MAN1A1: variants seen among roughly 807,000 people sequenced by gnomAD.
MAN1A1 encodes the protein mannosidase alpha class 1A member 1.
In MAN1A1, 29 loss-of-function variants were observed where a neutral mutation model predicts 70.8. The observed-to-expected ratio is 0.41, with a 90% CI of 0.31 to 0.56. The LOEUF is 0.56. MAN1A1 is among the 20% of genes least tolerant of loss of function. The pLI is 0.29. For missense variants in MAN1A1, 747 were observed against 841.3 expected (o/e 0.89, Z 1.39); for synonymous variants, 349 against 330.1 (o/e 1.06, Z -0.62).
chr6:119,211,697 T>C (rs1774055230), intron 6 of MAN1A1, among the ~76,000 whole-genome samples: 1 of 152,142 alleles, frequency 6.6e-6, no homozygotes, highest in Non-Finnish European at 1.5e-5. Context: ...AAAGGTGAAA[T>C]GAGGAAAATA....
intron 5 of MAN1A1, among the ~76,000 whole-genome samples, chr6:119,262,771 A>C (rs1202549309): frequency 6.6e-6 from 1 of 152,194 alleles, no homozygotes; most frequent in Non-Finnish European, 1.5e-5. Flanking sequence ...GTGGTACATA[A>C]ACCATGGAAT....
intron 5 of MAN1A1, among the ~76,000 whole-genome samples, chr6:119,277,724 C>T (rs1376365147): frequency 6.6e-6 from 1 of 151,678 alleles, no homozygotes; most frequent in African/African-American, 2.4e-5. Context: ...ATCACGAGGT[C>T]AGGAGATGGA....
At chr6:119,275,229 G>GCCTC (rs1332922642) in intron 5 of MAN1A1, among the ~76,000 whole-genome samples, 1 of 133,474 alleles carries the variant, frequency 7.5e-6, no homozygotes, top group Non-Finnish European at 1.6e-5. Context: ...TCCTGCCTCA[G>GCCTC]CCTCCTGAGT....
intron 6 of MAN1A1, among the ~76,000 whole-genome samples, chr6:119,223,191 TAA>T (rs1188664239): frequency 1.3e-5 from 2 of 152,164 alleles, no homozygotes; most frequent in Non-Finnish European, 2.9e-5. Flanking sequence ...TTTACTGAAA[TAA>T]GTCTAATAAT....
Position 119,322,812 on chromosome 6 carries a change from C to G in MAN1A1, c.604-15820G>C, listed in dbSNP as rs17081026. The stretch of plus-strand genomic sequence containing the variant: ...CTGAATTAGGAAGTAGCAAACCAAG[C>G]TGTGGGTAACAATCATTTCAAAGTA... On this transcript the variant is annotated intron_variant, in intron 2 of 12. Transcript: ENST00000368468. Among the ~76,000 whole-genome samples, 894 of 152,308 alleles carry G rather than the reference C, an allele frequency of 5.9e-3. 29 individuals are homozygous for G. In the East Asian group the frequency reaches 0.09, roughly 15 times the overall value.
intron 6 of MAN1A1, among the ~76,000 whole-genome samples, chr6:119,225,052 G>A (rs189469016): frequency 2.6e-5 from 4 of 152,046 alleles, no homozygotes; most frequent in South Asian, 4.2e-4. Context: ...GCTTGAACCC[G>A]GGAGGCAGAG....
intron 2 of MAN1A1, among the ~76,000 whole-genome samples, chr6:119,347,493 T>G (rs1237061005): frequency 6.6e-6 from 1 of 152,220 alleles, no homozygotes; most frequent in African/African-American, 2.4e-5. Context: ...CTTTTCTATG[T>G]AAAACGCAGG....
Position 119,284,560 on chromosome 6 carries a change from G to GT in MAN1A1, c.897+6122dup, listed in dbSNP as rs539422084. Among the ~76,000 whole-genome samples, 64 of 151,586 alleles carry GT rather than the reference G, an allele frequency of 4.2e-4. 1 individual carries two copies. The South Asian group carries it at 0.012, about 28-fold the overall frequency. On this transcript the variant is annotated intron_variant, in intron 5 of 12. Coordinates refer to ENST00000368468, the MANE Select transcript of MAN1A1 (RefSeq NM_005907.4). ...ATTCTTATTTTTGTTACGTCTTTTTGTTTTTTTTCCCCTAAATTACTGAAA... is the reference window on the plus strand; with the variant it reads ...ATTCTTATTTTTGTTACGTCTTTTTGTTTTTTTTTCCCCTAAATTACTGAAA...
At chr6:119,243,886 A>G (rs781446819) in intron 6 of MAN1A1, among the ~76,000 whole-genome samples, 2 of 152,068 alleles carry the variant, frequency 1.3e-5, no homozygotes, top group Non-Finnish European at 1.5e-5. Context: ...ACACACCTTC[A>G]TGGTGTGCAA....
At chr6:119,232,679 A>ATGTGTG (rs78960133) in intron 6 of MAN1A1, among the ~76,000 whole-genome samples, 582 of 143,502 alleles carry the variant, frequency 4.1e-3, no homozygotes, top group African/African-American at 5.6e-3. Context: ...ACACATATAT[A>ATGTGTG]TGTGTGTGTG....
In MAN1A1 at chr6:119,188,498, G is replaced by A. The variant is rs1340293024; in HGVS notation, c.1626C>T (p.Tyr542=). The A allele has an allele frequency of 6.2e-7, 1 of 1,613,924 alleles. No individual in the cohort carries two copies. Among genetic ancestry groups the A allele is most frequent in the East Asian group, 2.2e-5 (1 of 44,866 alleles). ...AIATRQNEKY[Y]ILRPEVMETY... ...TCTCCATAACTTCTGGCCGTAAGATGTAGTATTTTTCATTTTGTCTTGTAG... is the reference window on the plus strand; with the variant it reads ...TCTCCATAACTTCTGGCCGTAAGATATAGTATTTTTCATTTTGTCTTGTAG... The change falls in exon 11 of 13, where the codon TAC becomes TAT. Residue 542 remains tyrosine (Y), a synonymous_variant. Transcript: ENST00000368468.
chr6:119,278,107 C>T (rs998657856), intron 5 of MAN1A1, among the ~76,000 whole-genome samples: 1 of 150,952 alleles, frequency 6.6e-6, no homozygotes, highest in Non-Finnish European at 1.5e-5. Context: ...GATCGTGCCA[C>T]TGTGCTCCAG....
At chr6:119,324,745 C>T (rs2114481943) in intron 2 of MAN1A1, among the ~76,000 whole-genome samples, 1 of 152,270 alleles carries the variant, frequency 6.6e-6, no homozygotes, top group Non-Finnish European at 1.5e-5. Flanking sequence ...AAAAGTCACT[C>T]ATGATACATG....
intron 5 of MAN1A1, among the ~76,000 whole-genome samples, chr6:119,281,268 T>C (rs1211736576): frequency 1.3e-5 from 2 of 152,306 alleles, no homozygotes; most frequent in South Asian, 4.1e-4. Context: ...TGGGGACTCT[T>C]GACAAAGTTA....
intron 2 of MAN1A1, among the ~76,000 whole-genome samples, chr6:119,329,800 T>C (rs11755967): frequency 0.32 from 49,165 of 151,998 alleles, 8,462 homozygotes; most frequent in Non-Finnish European, 0.37. Context: ...GAATAGTCTG[T>C]GCCCTTCCTT....
chr6:119,205,595 A>C lies in MAN1A1; in HGVS notation c.993-713T>G, dbSNP rs745910481. Among the ~76,000 whole-genome samples the C allele has an allele frequency of 1.1e-4, 17 of 152,228 alleles. 1 individual carries two copies. Among genetic ancestry groups the C allele is most frequent in the Admixed American group, 5.2e-4 (8 of 15,282 alleles). The stretch of plus-strand genomic sequence containing the variant: ...TCTTGGAGAAATGCTTTTTTAAAAA[A>C]CTAGGCCTTTTAAAAAAGTTATAAA... On this transcript the variant is annotated intron_variant, in intron 6 of 12. Coordinates refer to ENST00000368468, the MANE Select transcript of MAN1A1 (RefSeq NM_005907.4).
chr6:119,239,485 G>A (rs1199110174), intron 6 of MAN1A1, among the ~76,000 whole-genome samples: 1 of 152,168 alleles, frequency 6.6e-6, no homozygotes, highest in African/African-American at 2.4e-5. Context: ...CACTGAGACT[G>A]TGAGGCCTTT....
At chr6:119,255,970 T>A (rs988615363) in intron 5 of MAN1A1, among the ~76,000 whole-genome samples, 2 of 152,224 alleles carry the variant, frequency 1.3e-5, no homozygotes, top group Non-Finnish European at 2.9e-5. Flanking sequence ...TTACTTTGTT[T>A]TTCTCCCCTG....
chr6:119,301,347 A>G (rs570626249), intron 4 of MAN1A1, among the ~76,000 whole-genome samples: 74 of 152,246 alleles, frequency 4.9e-4, no homozygotes, highest in Non-Finnish European at 9.4e-4. Flanking sequence ...AAAATTATCA[A>G]GAAGTATTAG....
Sources: gnomAD v4.1 joint callset for allele counts (sites outside exome capture counted in the v4.1 genomes callset) on GRCh38, gnomAD v4.1.1 for gene constraint, MANE v1.5 for transcripts, NCBI Gene and HGNC (gene_info 2026-07-23, HGNC 2026-07-21) for gene names.